The following DSCAML1 variants were observed in gnomAD, a reference collection of about 807,000 sequenced individuals.
DSCAML1 encodes the protein cell adhesion molecule DSCAML1.
Under a neutral mutation model 200.5 loss-of-function variants are expected in DSCAML1, and 38 were observed. The observed-to-expected ratio is 0.19, with a 90% confidence interval of 0.15 to 0.25. The LOEUF (loss-of-function observed/expected upper bound fraction) is 0.25. Ranked by LOEUF, DSCAML1 falls within the 10% of genes least tolerant of loss-of-function variation. The pLI, the probability that DSCAML1 is intolerant of heterozygous loss-of-function variation, is 1.00. For missense variants in DSCAML1, 2,223 were observed against 2,858.8 expected (o/e 0.78, Z 5.07); for synonymous variants, 1,215 against 1,165.0 (o/e 1.04, Z -0.87).
chr11:117,544,514 T>A (rs560772724), intron 3 of DSCAML1, among the ~76,000 whole-genome samples: 1 of 152,286 alleles, frequency 6.6e-6, no homozygotes, highest in South Asian at 2.1e-4. Context: ...CAAGGCGGAC[T>A]CTGCAGGGCA....
Position 117,521,390 on chromosome 11 carries a change from G to A in DSCAML1, c.953C>T (p.Thr318Ile). The A allele has an allele frequency of 2.5e-6, 4 of 1,613,582 alleles. No individual in the cohort carries two copies. Among genetic ancestry groups the A allele is most frequent in the Non-Finnish European group, 3.4e-6 (4 of 1,179,626 alleles). ...ILMVIDPLHV[T>I]LTPKKLKTGI... ...GGTCTTCAGCTTCTTTGGTGTCAGG[G>A]TCACATGAAGGGGATCTGGGCCGGG... The change falls in exon 6 of 33, where the codon ACC becomes ATC. Residue 318 changes from threonine to isoleucine, a missense_variant. Physicochemically the swap from Thr to Ile is moderately conservative, Grantham distance 89. Around this residue, in one of 7 missense-constraint regions of DSCAML1, gnomAD observed 579 missense variants for 721.5 expected, o/e 0.80. Coordinates refer to ENST00000651296, the MANE Select transcript of DSCAML1 (RefSeq NM_020693.4).
chr11:117,577,303 C>A (rs550289266), intron 3 of DSCAML1, among the ~76,000 whole-genome samples: 1 of 152,316 alleles, frequency 6.6e-6, no homozygotes, highest in East Asian at 1.9e-4. Context: ...ACAACATGGG[C>A]ATCTACATTT....
intron 20 of DSCAML1, 114 bp downstream of exon 20, chr11:117,450,435 A>G: frequency 7.1e-7 from 1 of 1,416,498 alleles, no homozygotes; most frequent in Non-Finnish European, 9.5e-7. Context: ...CTATGAATCC[A>G]GGCAGAAGCT....
rs759744360 is a variant in DSCAML1, at chr11:117,780,459, G to A, written c.364+34C>T. 5 of 1,415,132 alleles carry A rather than the reference G, an allele frequency of 3.5e-6. No homozygotes were observed. In the African/African-American group the frequency reaches 7.3e-5, roughly 21 times the overall value. 87.7% of individuals were successfully genotyped at this position (1,415,132 alleles called of 1,614,324 possible). A position where few individuals can be genotyped will look rare whatever the true frequency, so the allele number is the denominator to read the frequency against. ...CAGAATGACGGCGCAGCCTCCTCCTGTGCCACTGGGGCAGCCAGTGTCTTG... is the reference window on the plus strand; with the variant it reads ...CAGAATGACGGCGCAGCCTCCTCCTATGCCACTGGGGCAGCCAGTGTCTTG... On this transcript the variant is annotated intron_variant, in intron 2 of 32. Coordinates refer to ENST00000651296, the MANE Select transcript of DSCAML1 (RefSeq NM_020693.4). The surrounding 1 kb of genome is among the most constrained non-coding windows in gnomAD (Gnocchi z 4.8).
At chr11:117,479,657 G>GT (rs1333083228) in intron 14 of DSCAML1, among the ~76,000 whole-genome samples, 74 of 150,928 alleles carry the variant, frequency 4.9e-4, no homozygotes, top group African/African-American at 9.2e-4. Flanking sequence ...GGCTTTTTTT[G>GT]TTTTTTTTTG....
intron 15 of DSCAML1, among the ~76,000 whole-genome samples, chr11:117,470,449 C>T (rs1380203251): frequency 6.6e-6 from 1 of 152,180 alleles, no homozygotes; most frequent in African/African-American, 2.4e-5. Context: ...GTGGCGGGCG[C>T]CTGTAGTCCC....
intron 3 of DSCAML1, among the ~76,000 whole-genome samples, chr11:117,667,921 T>C (rs2053013385): frequency 6.6e-6 from 1 of 152,204 alleles, no homozygotes; most frequent in Admixed American, 6.5e-5. Flanking sequence ...TGGAATCTAG[T>C]GCCAGATGAT....
At position 117,465,688 on chromosome 11, in the gene DSCAML1, C is replaced by T. The variant is rs539041016; in HGVS notation, c.3025-506G>A. 3.9e-5 allele frequency among the ~76,000 whole-genome samples: 6 copies of T among 152,114 alleles called. No individual in the cohort carries two copies. In the East Asian group the frequency reaches 5.8e-4, roughly 15 times the overall value. ...CACTGTGAGGACGCTTTGTTACTGT[C>T]GCACTCTCCGTGTCTAGAATGGTGC... On this transcript the variant is annotated intron_variant, in intron 16 of 32. Transcript: ENST00000651296.
rs1176526258 is a variant in DSCAML1 at position 117,517,323 on chromosome 11, AG to A, written c.1511-585del. On this transcript the variant is annotated intron_variant, in intron 7 of 32. Coordinates refer to ENST00000651296, the MANE Select transcript of DSCAML1 (RefSeq NM_020693.4). ...GGGGCTCTGATAGTGCTGGCTGGGG[AG>A]AGAGAGTGTCCTGGGCTAGGCTTGC... Among the ~76,000 whole-genome samples, 3 of 152,192 alleles carry A rather than the reference AG, an allele frequency of 2.0e-5. No homozygotes were observed. In the East Asian group the frequency reaches 5.8e-4, roughly 29 times the overall value.
At chr11:117,607,238 C>T (rs1007028782) in intron 3 of DSCAML1, among the ~76,000 whole-genome samples, 1 of 152,214 alleles carries the variant, frequency 6.6e-6, no homozygotes, top group Non-Finnish European at 1.5e-5. Context: ...GTGGCTGAGT[C>T]TATCCACCTT....
intron 3 of DSCAML1, among the ~76,000 whole-genome samples, chr11:117,577,930 C>A (rs974879138): frequency 5.3e-5 from 8 of 151,324 alleles, no homozygotes; most frequent in African/African-American, 1.9e-4. Context: ...ACCCCTCTTG[C>A]CTATTAAAAA....
At chr11:117,718,942 GCA>G (rs1465656555) in intron 3 of DSCAML1, among the ~76,000 whole-genome samples, 1 of 152,150 alleles carries the variant, frequency 6.6e-6, no homozygotes, top group Non-Finnish European at 1.5e-5. Context: ...CTAGAAAGCA[GCA>G]CAGACAAAAC....
chr11:117,585,263 T>C (rs1178327332), intron 3 of DSCAML1, among the ~76,000 whole-genome samples: 3 of 152,252 alleles, frequency 2.0e-5, no homozygotes, highest in South Asian at 2.1e-4. Context: ...TTTTTTCTTT[T>C]TTTTTGAGAT....
rs981773461 is a variant in DSCAML1 at position 117,527,486 on chromosome 11, C to T, written c.659-2403G>A. Among the ~76,000 whole-genome samples the T allele has an allele frequency of 3.9e-5, 6 of 152,164 alleles. No homozygotes were observed. The South Asian group carries it at 6.2e-4, about 16-fold the overall frequency. On this transcript the variant is annotated intron_variant, in intron 4 of 32. Coordinates refer to ENST00000651296, the MANE Select transcript of DSCAML1 (RefSeq NM_020693.4). ...AATGGGGCACTCAGGCATGGGCAGGCGAGTAGTCTGATTTTTCTGGATAGA... is the reference window on the plus strand; with the variant it reads ...AATGGGGCACTCAGGCATGGGCAGGTGAGTAGTCTGATTTTTCTGGATAGA...
chr11:117,710,790 G>A (rs1386266637), intron 3 of DSCAML1, among the ~76,000 whole-genome samples: 2 of 152,198 alleles, frequency 1.3e-5, no homozygotes, highest in East Asian at 1.9e-4. Flanking sequence ...GATGGGCCCT[G>A]TGGACAATAC....
chr11:117,697,094 T>C (rs1457975401), intron 3 of DSCAML1, among the ~76,000 whole-genome samples: 1 of 152,230 alleles, frequency 6.6e-6, no homozygotes, highest in Admixed American at 6.5e-5. Flanking sequence ...CATCTCGTTT[T>C]ATCAATAAGG....
chr11:117,655,214 T>G (rs903853700), intron 3 of DSCAML1, among the ~76,000 whole-genome samples: 8 of 152,220 alleles, frequency 5.3e-5, no homozygotes, highest in Non-Finnish European at 1.2e-4. Flanking sequence ...CAGAGGGGTC[T>G]GGGTGTGCCC....
rs77575159 is a variant in DSCAML1, at chr11:117,674,637, A to T, written c.511+102154T>A. Among the ~76,000 whole-genome samples, 346 of 152,268 alleles carry T rather than the reference A, an allele frequency of 2.3e-3. 1 individual carries two copies. Among genetic ancestry groups the T allele is most frequent in the African/African-American group, 7.4e-3 (308 of 41,556 alleles). On this transcript the variant is annotated intron_variant, in intron 3 of 32. Transcript: ENST00000651296. Reference sequence around the variant, plus strand: ...TGCAGATTCAGGATCCCAATCTTCCATGAGGCACCCGACTAAGCACCCCTT... The same window carrying T: ...TGCAGATTCAGGATCCCAATCTTCCTTGAGGCACCCGACTAAGCACCCCTT...
chr11:117,678,002 C>T (rs767967795), intron 3 of DSCAML1, among the ~76,000 whole-genome samples: 2 of 152,206 alleles, frequency 1.3e-5, no homozygotes, highest in Admixed American at 6.5e-5. Context: ...CTAAGGGGGA[C>T]TCCGGAGACC....
Sources: gnomAD v4.1 joint callset for allele counts (sites outside exome capture counted in the v4.1 genomes callset) on GRCh38, gnomAD v4.1.1 for gene constraint, gnomAD v4.1.1 regional missense constraint, Gnocchi (gnomAD v3.1) non-coding constraint, MANE v1.5 for transcripts, NCBI Gene and HGNC (gene_info 2026-07-23, HGNC 2026-07-21) for gene names.